The following NRG1 variants were observed in gnomAD, a reference collection of about 807,000 sequenced individuals.
NRG1 encodes neuregulin 1.
Under a neutral mutation model 63.8 loss-of-function variants are expected in NRG1, and 18 were observed. That is an observed-to-expected ratio of 0.28 (90% confidence interval 0.19 to 0.42). The LOEUF (loss-of-function observed/expected upper bound fraction) is 0.42. Ranked by LOEUF, NRG1 falls within the 10% of genes least tolerant of loss-of-function variation. The probability of loss-of-function intolerance (pLI) is 1.00; values close to 1 mark genes in which losing one functional copy is unlikely to be tolerated. For synonymous variants in NRG1, 302 were observed against 301.3 expected (o/e 1.00, Z -0.02); for missense variants, 762 against 814.7 (o/e 0.94, Z 0.79).
chr8:31,854,205 A>T (rs1827582523), intron 1 of NRG1, among the ~76,000 whole-genome samples: 1 of 151,258 alleles, frequency 6.6e-6, no homozygotes, highest in South Asian at 2.1e-4. Flanking sequence ...TCCTCCTTGT[A>T]CCTCTGGTAG....
chr8:31,812,748 T>C (rs1054858418), intron 1 of NRG1, among the ~76,000 whole-genome samples: 1 of 152,068 alleles, frequency 6.6e-6, no homozygotes, highest in Non-Finnish European at 1.5e-5. Context: ...TGCACTGCTT[T>C]GGGTTATCCA....
intron 1 of NRG1, among the ~76,000 whole-genome samples, chr8:31,980,868 G>A (rs866247625): frequency 5.3e-5 from 8 of 151,808 alleles, no homozygotes; most frequent in East Asian, 1.9e-4. Flanking sequence ...AGAATAACAC[G>A]TTGATATCTT....
At chr8:31,798,606 T>A (rs1821461339) in intron 1 of NRG1, among the ~76,000 whole-genome samples, 1 of 152,242 alleles carries the variant, frequency 6.6e-6, no homozygotes, top group Admixed American at 6.5e-5. Context: ...GACTGTTTGC[T>A]TTTAGTTAAT....
chr8:32,721,055 TC>T (rs1016373890), intron 5 of NRG1, among the ~76,000 whole-genome samples: 1 of 152,164 alleles, frequency 6.6e-6, no homozygotes, highest in African/African-American at 2.4e-5. Flanking sequence ...GATATCAGGG[TC>T]TGCCCAGAAA....
intron 5 of NRG1, chr8:32,648,281 G>A (rs766079837): frequency 3.1e-6 from 5 of 1,613,948 alleles, no homozygotes; most frequent in African/African-American, 1.3e-5. Context: ...CGTCCACTGC[G>A]CCATCCTTCC....
At chr8:31,997,643 A>G (rs746963474) in intron 1 of NRG1, among the ~76,000 whole-genome samples, 27 of 151,858 alleles carry the variant, frequency 1.8e-4, no homozygotes, top group Non-Finnish European at 3.2e-4. Flanking sequence ...ACTTAAATCT[A>G]TTTCTTCTCA....
At chr8:32,605,019 T>C (rs1845028948) in intron 2 of NRG1, among the ~76,000 whole-genome samples, 1 of 152,132 alleles carries the variant, frequency 6.6e-6, no homozygotes, top group African/African-American at 2.4e-5. Flanking sequence ...AAAGAAAAAT[T>C]CCCTTCCTTT....
intron 5 of NRG1, among the ~76,000 whole-genome samples, chr8:32,680,328 A>C (rs1405458147): frequency 6.6e-6 from 1 of 152,136 alleles, no homozygotes; most frequent in Non-Finnish European, 1.5e-5. Flanking sequence ...TAAAACTGAT[A>C]CCAAGGGGTA....
chr8:32,690,799 G>C (rs1811391208), intron 5 of NRG1, among the ~76,000 whole-genome samples: 1 of 151,796 alleles, frequency 6.6e-6, no homozygotes, highest in Non-Finnish European at 1.5e-5. Context: ...AGGCTGAGCT[G>C]GTGATCACAA....
At position 31,640,216 on chromosome 8, in the gene NRG1, C is replaced by T; in HGVS notation, c.37+785C>T. On this transcript the variant is annotated intron_variant, in intron 1 of 10. Transcript: ENST00000519301. This position sits in a 1 kb window ranked among gnomAD's most constrained non-coding sequence, Gnocchi z 6.3. ...GGGATCGGTGCAGGAGCTAGCTCAG[C>T]GCGCCGCGGTGGTGATCGAGGGAAA... 3.4e-6 allele frequency: 4 copies of T among 1,165,444 alleles called. No homozygotes were observed. The highest frequency in any genetic ancestry group is 4.0e-5 in the South Asian group (1 of 25,224). The allele number at this position is 1,165,444 out of a possible 1,614,324, so 72.2% of individuals were successfully genotyped here.
intron 1 of NRG1, among the ~76,000 whole-genome samples, chr8:32,416,923 C>T (rs1478015864): frequency 6.6e-6 from 1 of 152,086 alleles, no homozygotes; most frequent in African/African-American, 2.4e-5. Context: ...TGAGCTCAAG[C>T]AATCCTCCCA....
intron 5 of NRG1, among the ~76,000 whole-genome samples, chr8:32,726,962 T>A (rs1822359764): frequency 6.6e-6 from 1 of 152,064 alleles, no homozygotes; most frequent in African/African-American, 2.4e-5. Context: ...TGTACTGGCT[T>A]GATATACTGG....
At chr8:32,369,469 T>C (rs1161335254) in intron 1 of NRG1, among the ~76,000 whole-genome samples, 1 of 152,226 alleles carries the variant, frequency 6.6e-6, no homozygotes, top group African/African-American at 2.4e-5. Context: ...AGAACAGGTA[T>C]TGAGAAGAAG....
intron 5 of NRG1, among the ~76,000 whole-genome samples, chr8:32,634,531 G>A (rs926094822): frequency 9.2e-5 from 14 of 152,184 alleles, no homozygotes; most frequent in African/African-American, 3.1e-4. Context: ...GCATAATTAA[G>A]TTGACAACCT....
intron 1 of NRG1, among the ~76,000 whole-genome samples, chr8:32,251,293 T>A (rs1363250562): frequency 2.0e-5 from 3 of 152,054 alleles, no homozygotes; most frequent in Non-Finnish European, 4.4e-5. Context: ...CACTTATGAG[T>A]AAGAATATGC....
rs140218321 is a variant in NRG1 at position 32,024,326 on chromosome 8, T to C, written c.37+384895T>C. ...GAGCCTTTGAGTTCAAGAAAACAGA[T>C]GAAAATGAGCCCAAGCCTTGGAACT... On this transcript the variant is annotated intron_variant, in intron 1 of 10. Transcript: ENST00000519301. 1.3e-3 allele frequency among the ~76,000 whole-genome samples: 205 copies of C among 152,174 alleles called. 5 individuals are homozygous for C. The East Asian group carries it at 0.035, about 26-fold the overall frequency.
At chr8:31,663,314 A>G (rs1176764813) in intron 1 of NRG1, among the ~76,000 whole-genome samples, 4 of 152,210 alleles carry the variant, frequency 2.6e-5, no homozygotes, top group African/African-American at 9.6e-5. Flanking sequence ...ATATTCAACT[A>G]TTTATGAAAA....
At chr8:32,127,951 A>G (rs1355522797) in intron 1 of NRG1, among the ~76,000 whole-genome samples, 2 of 151,772 alleles carry the variant, frequency 1.3e-5, no homozygotes, top group African/African-American at 4.8e-5. Flanking sequence ...CAAAACAAAA[A>G]CATCCTTCTC....
chr8:32,668,779 A>C (rs970645988), intron 5 of NRG1, among the ~76,000 whole-genome samples: 1 of 152,212 alleles, frequency 6.6e-6, no homozygotes, highest in African/African-American at 2.4e-5. Context: ...ACTCAAGACT[A>C]TATAATGTTA....
Sources: allele counts gnomAD v4.1 joint callset (sites outside exome capture counted in the v4.1 genomes callset), GRCh38; gene constraint gnomAD v4.1.1; non-coding constraint Gnocchi (gnomAD v3.1); transcripts MANE v1.5; gene names NCBI Gene and HGNC (gene_info 2026-07-23, HGNC 2026-07-21).